The following PAX7 variants were observed in gnomAD, a reference collection of about 807,000 sequenced individuals.
PAX7 encodes paired box protein Pax-7.
Under a neutral mutation model 50.7 loss-of-function variants are expected in PAX7, and 18 were observed. The observed-to-expected ratio is 0.36, with a 90% CI of 0.25 to 0.53. The LOEUF (loss-of-function observed/expected upper bound fraction) is 0.53. Among genes scored for constraint, PAX7 ranks in the 20% least tolerant of loss-of-function variants. The pLI is 0.93. For synonymous variants in PAX7, 310 were observed against 290.4 expected, an observed-to-expected ratio of 1.07 and a Z score of -0.69; for missense variants, 644 against 702.9, an observed-to-expected ratio of 0.92 and a Z score of 0.95.
intron 7 of PAX7, among the ~76,000 whole-genome samples, chr1:18,711,313 A>G (rs1382778578): frequency 8.5e-5 from 13 of 152,054 alleles, no homozygotes; most frequent in Non-Finnish European, 4.4e-5. Context: ...CTAAGGGAAA[A>G]TTCAAATTAG....
chr1:18,700,567 G>A lies in PAX7; in HGVS notation c.787-86G>A. On this transcript the variant is annotated intron_variant, in intron 5 of 8. Transcript: ENST00000420770. This position sits in a 1 kb window ranked among gnomAD's most constrained non-coding sequence, Gnocchi z 4.8. ...ATGCTGGCTGGATCAGAGGGTGATG[G>A]CTTGGGCAACTGGGTCTACATGTGT... 7.8e-7 allele frequency: 1 copy of A among 1,279,210 alleles called. No homozygotes were observed. Among genetic ancestry groups the A allele is most frequent in the Non-Finnish European group, 1.1e-6 (1 of 951,582 alleles). 79.2% of individuals were successfully genotyped at this position (1,279,210 alleles called of 1,614,324 possible). A position where few individuals can be genotyped will look rare whatever the true frequency, so the allele number is the denominator to read the frequency against.
Position 18,665,761 on chromosome 1 carries a change from C to A in PAX7, c.587-25993C>A, listed in dbSNP as rs374568055. 5.7e-4 allele frequency among the ~76,000 whole-genome samples: 86 copies of A among 151,586 alleles called. 1 individual carries two copies. In the South Asian group the frequency reaches 0.017, roughly 29 times the overall value. ...CTTGGTTCACTGCATACTCTGCCTC[C>A]CATGTTCAAGAGATTCTCCTGCCTC... On this transcript the variant is annotated intron_variant, in intron 4 of 8. Transcript: ENST00000420770.
At chr1:18,723,634 A>G (rs962931628) in intron 7 of PAX7, among the ~76,000 whole-genome samples, 1 of 152,260 alleles carries the variant, frequency 6.6e-6, no homozygotes, top group African/African-American at 2.4e-5. Flanking sequence ...TTTCAGAGAC[A>G]TCTCTCTGCA....
intron 4 of PAX7, among the ~76,000 whole-genome samples, chr1:18,688,871 G>A (rs1442697966): frequency 2.6e-5 from 4 of 152,228 alleles, no homozygotes; most frequent in South Asian, 4.1e-4. Context: ...CAGAGATGGC[G>A]CCACTGCACT....
intron 5 of PAX7, among the ~76,000 whole-genome samples, chr1:18,697,940 C>G (rs1239659603): frequency 6.6e-6 from 1 of 151,708 alleles, no homozygotes; most frequent in East Asian, 1.9e-4. Context: ...GAGAGGAGTC[C>G]CAGTAAAAGT....
chr1:18,649,854 C>T (rs2088404756), intron 4 of PAX7, among the ~76,000 whole-genome samples: 1 of 152,236 alleles, frequency 6.6e-6, no homozygotes, highest in African/African-American at 2.4e-5. Flanking sequence ...ACTGCTGTGT[C>T]ATTCTGGAAG....
At chr1:18,702,108 G>C (rs577116083) in intron 6 of PAX7, among the ~76,000 whole-genome samples, 11 of 151,896 alleles carry the variant, frequency 7.2e-5, no homozygotes, top group African/African-American at 2.4e-4. Flanking sequence ...TGAGGCGGGC[G>C]GATCTCTTGA....
intron 7 of PAX7, among the ~76,000 whole-genome samples, chr1:18,727,610 A>G (rs2089591315): frequency 1.3e-5 from 2 of 152,206 alleles, no homozygotes; most frequent in Non-Finnish European, 2.9e-5. Flanking sequence ...ATGGGGTCAC[A>G]GTACTTCCTA....
chr1:18,728,877 C>A (rs1220396884), intron 7 of PAX7, among the ~76,000 whole-genome samples: 1 of 149,926 alleles, frequency 6.7e-6, no homozygotes, highest in African/African-American at 2.5e-5. Flanking sequence ...AAAAAAAAAA[C>A]AAAAAACTCC....
At chr1:18,633,719 G>T (rs1354965950) in intron 1 of PAX7, among the ~76,000 whole-genome samples, 1 of 152,198 alleles carries the variant, frequency 6.6e-6, no homozygotes, top group Non-Finnish European at 1.5e-5. Context: ...TGTTCCCTGG[G>T]ACAGTTCCAC....
Position 18,635,208 on chromosome 1 carries a change from A to T in PAX7, c.419A>T (p.Asp140Val). Residue 140 changes from aspartate to valine, a missense_variant, in exon 3 of 9, where the codon GAT (aspartate) becomes GTT (valine). Asp to Val is a radical substitution (Grantham distance 152, BLOSUM62 -3). Transcript: ENST00000420770. Reference sequence around the variant, plus strand: ...GAGATCCGGGACAGGCTGCTGAAGGATGGGCACTGTGACCGAAGCACTGTG... The same window carrying T: ...GAGATCCGGGACAGGCTGCTGAAGGTTGGGCACTGTGACCGAAGCACTGTG... ...SWEIRDRLLK[D>V]GHCDRSTVPS... 1 of 1,613,874 alleles carries T rather than the reference A, an allele frequency of 6.2e-7. No individual in the cohort carries two copies. The highest frequency in any genetic ancestry group is 8.5e-7 in the Non-Finnish European group (1 of 1,179,896).
chr1:18,667,257 AG>A (rs2088681391), intron 4 of PAX7, among the ~76,000 whole-genome samples: 1 of 152,056 alleles, frequency 6.6e-6, no homozygotes, highest in African/African-American at 2.4e-5. Flanking sequence ...CCCCCTCAGA[AG>A]TTCTGGGCCA....
At chr1:18,643,091 G>A (rs571469176) in intron 4 of PAX7, among the ~76,000 whole-genome samples, 1 of 152,324 alleles carries the variant, frequency 6.6e-6, no homozygotes, top group African/African-American at 2.4e-5. Context: ...AGGGGTGAAG[G>A]GAAGTTGTGT....
At chr1:18,646,017 A>G (rs2088332399) in intron 4 of PAX7, among the ~76,000 whole-genome samples, 1 of 152,146 alleles carries the variant, frequency 6.6e-6, no homozygotes, top group South Asian at 2.1e-4. Context: ...AGGGTCTAAA[A>G]ATATGGTAGA....
In PAX7 at chr1:18,735,662, G is replaced by A; in HGVS notation, c.1186G>A (p.Val396Met). Reference protein sequence around the residue: ...VMSILGNPSAVPPQPQADFSI... With the variant: ...VMSILGNPSAMPPQPQADFSI... ...GAGCATCTTGGGCAACCCCAGTGCGGTGCCCCCGCAGCCACAGGCTGACTT... is the reference window on the plus strand; with the variant it reads ...GAGCATCTTGGGCAACCCCAGTGCGATGCCCCCGCAGCCACAGGCTGACTT... The change falls in exon 8 of 9, where the codon GTG becomes ATG. Residue 396 changes from valine to methionine, a missense_variant. Transcript: ENST00000420770. This position sits in a 1 kb window ranked among gnomAD's most constrained non-coding sequence, Gnocchi z 4.0. 1 of 1,613,894 alleles carries A rather than the reference G, an allele frequency of 6.2e-7. No individual in the cohort carries two copies. Among genetic ancestry groups the A allele is most frequent in the Non-Finnish European group, 8.5e-7 (1 of 1,179,890 alleles).
At chr1:18,691,681 T>C (rs1321461390) in intron 4 of PAX7, 73 bp from the exon 5 acceptor site, 1 of 1,390,382 alleles carries the variant, frequency 7.2e-7, no homozygotes, top group Non-Finnish European at 9.9e-7. Context: ...TGCCTTGTGC[T>C]CTCCTCCCAG....
rs767606512 is a variant in PAX7 at position 18,634,583 on chromosome 1, C to CG, written c.321+50dup. On this transcript the variant is annotated intron_variant, in intron 2 of 8. Transcript: ENST00000420770. The surrounding 1 kb of genome is among the most constrained non-coding windows in gnomAD (Gnocchi z 4.0). ...AGGCTGGCAGCTGGCTTCCTATAGTCGGGGGCTCCTGGTTGTGGCCCCTCT... is the reference window on the plus strand; with the variant it reads ...AGGCTGGCAGCTGGCTTCCTATAGTCGGGGGGCTCCTGGTTGTGGCCCCTCT... 3.2e-6 allele frequency: 5 copies of CG among 1,550,840 alleles called. No homozygotes were observed. Among genetic ancestry groups the CG allele is most frequent in the Non-Finnish European group, 3.5e-6 (4 of 1,127,470 alleles).
chr1:18,672,403 G>A (rs1368546568), intron 4 of PAX7, among the ~76,000 whole-genome samples: 2 of 152,006 alleles, frequency 1.3e-5, no homozygotes, highest in African/African-American at 4.8e-5. Context: ...ACATGTAACA[G>A]GAAATAAATG....
intron 7 of PAX7, among the ~76,000 whole-genome samples, chr1:18,719,316 TGAG>T (rs558363129): frequency 3.5e-4 from 54 of 152,332 alleles, no homozygotes; most frequent in Middle Eastern, 3.4e-3. Flanking sequence ...GAGTGCTGGA[TGAG>T]GAGACGGGAG....
Sources: gnomAD v4.1 joint callset for allele counts (sites outside exome capture counted in the v4.1 genomes callset) on GRCh38, gnomAD v4.1.1 for gene constraint, Gnocchi (gnomAD v3.1) non-coding constraint, MANE v1.5 for transcripts, NCBI Gene and HGNC (gene_info 2026-07-23, HGNC 2026-07-21) for gene names.